The following TIAM1 variants were observed in gnomAD, a reference collection of about 807,000 sequenced individuals.
The protein encoded by TIAM1 is rho guanine nucleotide exchange factor TIAM1.
TIAM1 carries 65 observed loss-of-function variants against 163.5 expected under a neutral mutation model. That is an observed-to-expected ratio of 0.40 (90% confidence interval 0.33 to 0.49). TIAM1 has a LOEUF of 0.49. Among genes scored for constraint, TIAM1 ranks in the 20% least tolerant of loss-of-function variants. TIAM1 has a pLI of 0.77. For missense variants in TIAM1, 1,789 were observed against 2,044.7 expected (o/e 0.87, Z 2.41); for synonymous variants, 833 against 810.1 (o/e 1.03, Z -0.48).
intron 2 of TIAM1, among the ~76,000 whole-genome samples, chr21:31,371,931 G>A (rs1473490645): frequency 6.6e-6 from 1 of 152,084 alleles, no homozygotes; most frequent in Non-Finnish European, 1.5e-5. Flanking sequence ...GCCCACCCTC[G>A]GTGAACTTGG....
At chr21:31,160,139 C>A (rs142618337) in intron 16 of TIAM1, among the ~76,000 whole-genome samples, 1 of 152,116 alleles carries the variant, frequency 6.6e-6, no homozygotes, top group East Asian at 1.9e-4. Flanking sequence ...GCAAAAAATG[C>A]AACTGACCAT....
At chr21:31,127,944 AC>A (rs2082272440) in intron 25 of TIAM1, among the ~76,000 whole-genome samples, 1 of 152,126 alleles carries the variant, frequency 6.6e-6, no homozygotes, top group African/African-American at 2.4e-5. Flanking sequence ...TCCCCAGCCT[AC>A]CCCTGGAGTC....
chr21:31,266,069 T>G lies in TIAM1; in HGVS notation c.904A>C (p.Thr302Pro), dbSNP rs776190953. The part of the protein sequence containing the change: ...RKSHCLSEGA[T>P]NPQISHSNSM... ...TTGCTATGGCTAATTTGTGGGTTGG[T>G]GGCACCTTCAGAGAGACAGTGAGAT... Residue 302 changes from threonine to proline, a missense_variant, in exon 4 of 28, where the codon ACC (threonine) becomes CCC (proline). This residue lies in a region of TIAM1 where 555 missense variants were observed against 564.9 expected (regional missense o/e 0.98). Coordinates refer to ENST00000541036, the MANE Select transcript of TIAM1 (RefSeq NM_001353694.2). The G allele has an allele frequency of 3.7e-6, 6 of 1,614,118 alleles. No homozygotes were observed. The South Asian group carries it at 6.6e-5, about 18-fold the overall frequency.
At chr21:31,358,632 T>C (rs1166425010) in intron 2 of TIAM1, among the ~76,000 whole-genome samples, 2 of 152,052 alleles carry the variant, frequency 1.3e-5, no homozygotes. Flanking sequence ...ATCGAATCAG[T>C]CGGAAAATTC....
chr21:31,473,304 C>T (rs1313060318), intron 1 of TIAM1, among the ~76,000 whole-genome samples: 1 of 151,798 alleles, frequency 6.6e-6, no homozygotes, highest in Non-Finnish European at 1.5e-5. Context: ...GTGGCGGGTG[C>T]CTGTAGTCCC....
chr21:31,293,699 G>C (rs919511840), intron 2 of TIAM1, among the ~76,000 whole-genome samples: 1 of 152,222 alleles, frequency 6.6e-6, no homozygotes, highest in South Asian at 2.1e-4. Context: ...GGCATGAAGA[G>C]GTCGCTGCGA....
intron 2 of TIAM1, among the ~76,000 whole-genome samples, chr21:31,309,485 A>T (rs554627046): frequency 6.6e-6 from 1 of 152,336 alleles, no homozygotes; most frequent in African/African-American, 2.4e-5. Flanking sequence ...TGAATAAAAA[A>T]ATAAAACGAA....
chr21:31,118,869 G>C lies in TIAM1; in HGVS notation c.*1499C>G. 1 of 340,014 alleles carries C rather than the reference G, an allele frequency of 2.9e-6. No individual in the cohort carries two copies. The allele number at this position is 340,014 out of a possible 1,614,324, so 21.1% of individuals were successfully genotyped here. On this transcript the variant is annotated 3_prime_UTR_variant, in exon 28 of 28. Transcript: ENST00000541036. ...GGTGGGAACGCAGGAAAAGCAGGCA[G>C]AGGCACAAGAGCATGATGTACTGAA...
Position 31,120,443 on chromosome 21 carries a change from C to G in TIAM1, c.4701G>C (p.Glu1567Asp), listed in dbSNP as rs139033661. The G allele has an allele frequency of 7.2e-5, 116 of 1,614,226 alleles. No individual in the cohort carries two copies. In the African/African-American group the frequency reaches 1.4e-3, roughly 19 times the overall value. ...CCCAAATGACTTCCTCGCTTGCGCT[C>G]TCCAGGCCTCCATTGATCCCCGACA... is the stretch of plus-strand genomic sequence containing the variant. The part of the protein sequence containing the change: ...AALSGINGGL[E>D]SASEEVIWVR... Residue 1567 changes from glutamate (E) to aspartate (D), a missense_variant, in exon 28 of 28, where the codon GAG (glutamate) becomes GAC (aspartate). Around this residue, in one of 5 missense-constraint regions of TIAM1, gnomAD observed 415 missense variants for 439.2 expected, o/e 0.94. Transcript: ENST00000541036. This position sits in a 1 kb window ranked among gnomAD's most constrained non-coding sequence, Gnocchi z 4.2.
At chr21:31,369,196 A>G (rs975360015) in intron 2 of TIAM1, among the ~76,000 whole-genome samples, 18 of 136,180 alleles carry the variant, frequency 1.3e-4, no homozygotes, top group African/African-American at 3.5e-4. Flanking sequence ...ACTGCACTCC[A>G]GCCTGGGTGA....
chr21:31,303,481 A>AC (rs2074578110), intron 2 of TIAM1, among the ~76,000 whole-genome samples: 1 of 152,050 alleles, frequency 6.6e-6, no homozygotes, highest in Non-Finnish European at 1.5e-5. Context: ...TATTGATGGC[A>AC]CCCCATTAGG....
At chr21:31,316,602 T>C (rs2075131190) in intron 2 of TIAM1, among the ~76,000 whole-genome samples, 1 of 152,206 alleles carries the variant, frequency 6.6e-6, no homozygotes, top group Non-Finnish European at 1.5e-5. Flanking sequence ...TAAGGTGTTC[T>C]GAGCCAAGAT....
intron 2 of TIAM1, among the ~76,000 whole-genome samples, chr21:31,418,335 C>CT (rs1191104425): frequency 2.8e-5 from 3 of 108,020 alleles, no homozygotes; most frequent in African/African-American, 3.7e-5. Context: ...GAGCGAGACT[C>CT]TGTCTCAAAA....
At chr21:31,505,447 ATG>A (rs2046993297) in intron 1 of TIAM1, among the ~76,000 whole-genome samples, 1 of 152,222 alleles carries the variant, frequency 6.6e-6, no homozygotes, top group Non-Finnish European at 1.5e-5. Flanking sequence ...AAAAAAGTAA[ATG>A]TATTCTTCTT....
At chr21:31,333,347 C>T (rs1034186269) in intron 2 of TIAM1, among the ~76,000 whole-genome samples, 1 of 152,176 alleles carries the variant, frequency 6.6e-6, no homozygotes, top group Non-Finnish European at 1.5e-5. Context: ...CCTGACTCTT[C>T]AAATTTATCA....
chr21:31,143,898 T>C (rs2082979196), intron 20 of TIAM1, among the ~76,000 whole-genome samples: 1 of 152,092 alleles, frequency 6.6e-6, no homozygotes, highest in Admixed American at 6.5e-5. Context: ...GGCTAATTTT[T>C]TTTTTTTGTA....
chr21:31,135,826 G>A (rs1033305142), intron 23 of TIAM1, 107 bp downstream of exon 23: 1 of 1,005,162 alleles, frequency 9.9e-7, no homozygotes, highest in South Asian at 1.4e-5. Flanking sequence ...TCAAGTAACT[G>A]CAATTAACTT....
chr21:31,203,446 G>A (rs572464680), intron 11 of TIAM1, among the ~76,000 whole-genome samples: 1 of 152,310 alleles, frequency 6.6e-6, no homozygotes, highest in South Asian at 2.1e-4. Flanking sequence ...ATGCTGAATG[G>A]GGGTATAAAG....
intron 1 of TIAM1, among the ~76,000 whole-genome samples, chr21:31,480,489 A>G (rs1194701783): frequency 6.6e-6 from 1 of 152,198 alleles, no homozygotes; most frequent in Non-Finnish European, 1.5e-5. Flanking sequence ...AAACTTTCTC[A>G]TCCTTAGCTA....
Sources: gnomAD v4.1 joint callset for allele counts (sites outside exome capture counted in the v4.1 genomes callset) on GRCh38, gnomAD v4.1.1 for gene constraint, gnomAD v4.1.1 regional missense constraint, Gnocchi (gnomAD v3.1) non-coding constraint, MANE v1.5 for transcripts, NCBI Gene and HGNC (gene_info 2026-07-23, HGNC 2026-07-21) for gene names.